Variants in LRP1B observed in about 807,000 individuals in gnomAD.
LRP1B encodes the protein LDL receptor related protein 1B, also known as low-density lipoprotein receptor-related protein 1B.
In LRP1B, 217 loss-of-function variants were observed where a neutral mutation model predicts 556.6. That is an observed-to-expected ratio of 0.39 (90% CI 0.35 to 0.44). The LOEUF (loss-of-function observed/expected upper bound fraction) is 0.44. Ranked by LOEUF, LRP1B falls within the 20% of genes least tolerant of loss-of-function variation. LRP1B has a pLI of 1.00. For synonymous variants in LRP1B, 2,047 were observed against 1,865.8 expected (o/e 1.10, Z -2.50); for missense variants, 5,053 against 5,620.8 (o/e 0.90, Z 3.23).
intron 3 of LRP1B, among the ~76,000 whole-genome samples, chr2:141,315,969 T>C (rs935991093): frequency 6.7e-6 from 1 of 149,396 alleles, no homozygotes; most frequent in African/African-American, 2.5e-5. Context: ...TTTTTTTCTA[T>C]TTGTGACCAA....
chr2:141,064,977 C>A (rs370495442), intron 7 of LRP1B, among the ~76,000 whole-genome samples: 3 of 151,852 alleles, frequency 2.0e-5, no homozygotes, highest in Admixed American at 6.6e-5. Context: ...TATGATTTCC[C>A]TGAGAGACAA....
intron 7 of LRP1B, among the ~76,000 whole-genome samples, chr2:141,146,709 C>G (rs1221195224): frequency 6.6e-6 from 1 of 152,158 alleles, no homozygotes; most frequent in Non-Finnish European, 1.5e-5. Context: ...GTCCTCCACT[C>G]TCTTGGCAGC....
At chr2:140,583,284 C>T (rs989401781) in intron 43 of LRP1B, among the ~76,000 whole-genome samples, 11 of 145,842 alleles carry the variant, frequency 7.5e-5, no homozygotes, top group African/African-American at 2.5e-4. Context: ...AAGCAATTCT[C>T]GTGCCTCGGC....
chr2:141,870,432 G>A (rs563451553), intron 1 of LRP1B, among the ~76,000 whole-genome samples: 1 of 151,984 alleles, frequency 6.6e-6, no homozygotes, highest in African/African-American at 2.4e-5. Context: ...ATCATTACTA[G>A]GAAGGAGCCA....
chr2:140,504,363 A>G (rs918514506), intron 53 of LRP1B, among the ~76,000 whole-genome samples: 1 of 152,136 alleles, frequency 6.6e-6, no homozygotes, highest in Non-Finnish European at 1.5e-5. Flanking sequence ...CTTCTTTCCA[A>G]CTTTGATCTT....
intron 2 of LRP1B, among the ~76,000 whole-genome samples, chr2:141,531,627 C>T (rs578182863): frequency 6.6e-5 from 10 of 152,180 alleles, no homozygotes; most frequent in Non-Finnish European, 1.5e-4. Flanking sequence ...AAAGTCAATA[C>T]TGAAAGACAA....
chr2:140,619,897 TGATA>T (rs1683391217), intron 41 of LRP1B, among the ~76,000 whole-genome samples: 2 of 152,286 alleles, frequency 1.3e-5, no homozygotes, highest in African/African-American at 4.8e-5. Context: ...CAAACAAATA[TGATA>T]GATTCATACA....
chr2:141,247,154 T>G lies in LRP1B; in HGVS notation c.592+72A>C, dbSNP rs182439545. The G allele has an allele frequency of 4.1e-4, 645 of 1,561,582 alleles. No homozygotes were observed. The African/African-American group carries it at 7.6e-3, about 18-fold the overall frequency. On this transcript the variant is annotated intron_variant, in intron 5 of 90. Transcript: ENST00000389484. ...GTCCATATTTCTGCTATACCACATC[T>G]CTAATGAAAAAGAATTGTAAAAAGG...
At chr2:140,640,383 C>CTTTTTT (rs70988414) in intron 41 of LRP1B, among the ~76,000 whole-genome samples, 677 of 48,562 alleles carry the variant, frequency 0.014, 158 homozygotes, top group Middle Eastern at 0.079. Context: ...GTCCTGTTTT[C>CTTTTTT]TTTTTTTTTT....
chr2:140,849,817 G>A (rs534318383), intron 29 of LRP1B, among the ~76,000 whole-genome samples: 24 of 152,056 alleles, frequency 1.6e-4, no homozygotes, highest in Non-Finnish European at 3.2e-4. Flanking sequence ...CGGGATTACC[G>A]CTGTGAGCCA....
intron 1 of LRP1B, among the ~76,000 whole-genome samples, chr2:141,993,605 C>T (rs995887039): frequency 7.7e-5 from 11 of 142,170 alleles, no homozygotes; most frequent in Non-Finnish European, 1.8e-4. Flanking sequence ...TTTTATTATC[C>T]TATTTTCTTT....
chr2:140,613,725 G>C (rs1683163547), intron 41 of LRP1B, among the ~76,000 whole-genome samples: 1 of 151,862 alleles, frequency 6.6e-6, no homozygotes, highest in Non-Finnish European at 1.5e-5. Flanking sequence ...ACAGCACAAA[G>C]CCACATCCAT....
At chr2:140,997,272 C>T (rs1697274877) in intron 15 of LRP1B, among the ~76,000 whole-genome samples, 1 of 151,758 alleles carries the variant, frequency 6.6e-6, no homozygotes, top group African/African-American at 2.4e-5. Context: ...CAAGGCACTA[C>T]AAAAGAAAAT....
intron 37 of LRP1B, among the ~76,000 whole-genome samples, chr2:140,704,698 T>C (rs112107358): frequency 0.03 from 4,517 of 152,188 alleles, 80 homozygotes; most frequent in Middle Eastern, 0.054. Flanking sequence ...GCAGGTAATG[T>C]TATACTGTGA....
intron 2 of LRP1B, among the ~76,000 whole-genome samples, chr2:141,547,950 C>T (rs959978898): frequency 3.3e-5 from 5 of 152,068 alleles, no homozygotes; most frequent in Admixed American, 6.6e-5. Context: ...GAGGGGAGGA[C>T]GACCTAGCTC....
chr2:141,292,844 T>TGTTCCAG (rs1686028471), intron 3 of LRP1B, among the ~76,000 whole-genome samples: 4 of 152,150 alleles, frequency 2.6e-5, no homozygotes, highest in Admixed American at 6.5e-5. Context: ...CATGAGATCC[T>TGTTCCAG]GGAACAGATA....
At chr2:140,518,759 C>T (rs10928751) in intron 49 of LRP1B, among the ~76,000 whole-genome samples, 150,518 of 152,240 alleles carry the variant, frequency 0.99, 74,425 homozygotes, top group Middle Eastern at 1. Flanking sequence ...AGAATGCTTG[C>T]GATTTTTGCA....
intron 17 of LRP1B, 93 bp from the exon 18 acceptor site, chr2:140,982,369 A>T: frequency 1.4e-6 from 1 of 739,454 alleles, no homozygotes; most frequent in Non-Finnish European, 2.3e-6. Flanking sequence ...TTCATACATA[A>T]GATAGTATGT....
intron 35 of LRP1B, among the ~76,000 whole-genome samples, chr2:140,739,934 C>T (rs1688081728): frequency 6.6e-6 from 1 of 152,150 alleles, no homozygotes; most frequent in Admixed American, 6.6e-5. Context: ...CTCAACATCA[C>T]TAATGATCAG....
Sources: allele counts gnomAD v4.1 joint callset (sites outside exome capture counted in the v4.1 genomes callset), GRCh38; gene constraint gnomAD v4.1.1; transcripts MANE v1.5; gene names NCBI Gene and HGNC (gene_info 2026-07-23, HGNC 2026-07-21).